CTNNA2: variants seen among roughly 807,000 people sequenced by gnomAD.
The protein encoded by CTNNA2 is catenin alpha-2.
CTNNA2 carries 42 observed loss-of-function variants against 101.0 expected under a neutral mutation model. The ratio of observed to expected loss-of-function variants is 0.42; its 90% CI spans 0.32 to 0.54. CTNNA2 has a LOEUF of 0.54. Ranked by LOEUF, CTNNA2 falls within the 20% of genes least tolerant of loss-of-function variation. CTNNA2 has a pLI of 0.14. For missense variants in CTNNA2, 871 were observed against 1,223.1 expected, an observed-to-expected ratio of 0.71 and a Z score of 4.29; for synonymous variants, 450 against 456.4, an observed-to-expected ratio of 0.99 and a Z score of 0.18.
At chr2:79,928,389 G>C (rs535964378) in intron 7 of CTNNA2, among the ~76,000 whole-genome samples, 1 of 152,172 alleles carries the variant, frequency 6.6e-6, no homozygotes, top group Non-Finnish European at 1.5e-5. Flanking sequence ...GGAAAAAATT[G>C]AATAAGTGAG....
At chr2:79,733,746 A>AGAG (rs1558881631) in intron 2 of CTNNA2, among the ~76,000 whole-genome samples, 2 of 152,130 alleles carry the variant, frequency 1.3e-5, no homozygotes, top group Admixed American at 6.6e-5. Context: ...AAATCAATAT[A>AGAG]GAGTCCTCAT....
At chr2:80,291,461 C>A (rs560872705) in intron 7 of CTNNA2, among the ~76,000 whole-genome samples, 1 of 152,284 alleles carries the variant, frequency 6.6e-6, no homozygotes, top group East Asian at 1.9e-4. Context: ...ACCTCCTCTG[C>A]CAGAAGAAAG....
At chr2:80,488,998 T>C (rs1285257523) in intron 9 of CTNNA2, among the ~76,000 whole-genome samples, 1 of 152,192 alleles carries the variant, frequency 6.6e-6, no homozygotes, top group East Asian at 1.9e-4. Context: ...TGGATTTCTT[T>C]GAAGGGCATT....
At position 79,282,849 on chromosome 2, in the gene CTNNA2, G is replaced by A. The variant is rs1253931443; in HGVS notation, c.-405-29860G>A. Among the ~76,000 whole-genome samples, 37 of 101,274 alleles carry A rather than the reference G, an allele frequency of 3.7e-4. 5 individuals carry two copies. The highest frequency in any genetic ancestry group is 1.0e-3 in the African/African-American group (35 of 35,130). The allele number at this position is 101,274 out of a possible 152,430, so 66.4% of individuals were successfully genotyped here. A position where few individuals can be genotyped will look rare whatever the true frequency, so the allele number is the denominator to read the frequency against. On this transcript the variant is annotated intron_variant, in intron 2 of 21. Coordinates refer to the CTNNA2 transcript ENST00000466387. ...AATCACCACACTGACTTCCACAATG[G>A]TTGAACTAGTTTACAGGCCCACCAA...
rs538148535 is a variant in CTNNA2, at chr2:79,774,953, G to A, written c.298+30371G>A. ...GCAGATTGCGTCAGTAACATTAGGG[G>A]TCATTTTTATCACCAATGAATATTT... On this transcript the variant is annotated intron_variant, in intron 3 of 18. Transcript: ENST00000402739. Among the ~76,000 whole-genome samples the A allele has an allele frequency of 7.2e-5, 11 of 152,216 alleles. No homozygotes were observed. In the East Asian group the frequency reaches 1.5e-3, roughly 21 times the overall value.
intron 3 of CTNNA2, among the ~76,000 whole-genome samples, chr2:79,754,649 A>G (rs1672278011): frequency 6.6e-6 from 1 of 152,096 alleles, no homozygotes; most frequent in Admixed American, 6.6e-5. Context: ...CCTTTTCTCA[A>G]GTATCCCTGG....
intron 8 of CTNNA2, among the ~76,000 whole-genome samples, chr2:80,406,148 G>A (rs540805218): frequency 1.1e-4 from 16 of 152,234 alleles, no homozygotes; most frequent in South Asian, 4.1e-4. Flanking sequence ...ACAAGGTCAG[G>A]AGATCGAGAA....
At chr2:80,620,179 T>C (rs979459452) in intron 18 of CTNNA2, among the ~76,000 whole-genome samples, 2 of 151,828 alleles carry the variant, frequency 1.3e-5, no homozygotes, top group Non-Finnish European at 1.5e-5. Flanking sequence ...ACCCTGTTTT[T>C]TTCTTAGGGT....
intron 7 of CTNNA2, among the ~76,000 whole-genome samples, chr2:80,195,591 CA>C (rs1251904140): frequency 6.6e-6 from 1 of 151,284 alleles, no homozygotes; most frequent in Non-Finnish European, 1.5e-5. Context: ...CATCCAAGCC[CA>C]TGGTGGAAAA....
chr2:79,968,545 G>A (rs1450382837), intron 7 of CTNNA2, among the ~76,000 whole-genome samples: 1 of 152,136 alleles, frequency 6.6e-6, no homozygotes, highest in Non-Finnish European at 1.5e-5. Flanking sequence ...TTAAGAGGCT[G>A]AGAGTTATTC....
intron 3 of CTNNA2, among the ~76,000 whole-genome samples, chr2:79,313,333 A>G (rs910810309): frequency 1.3e-5 from 2 of 152,258 alleles, no homozygotes; most frequent in Non-Finnish European, 2.9e-5. Context: ...TATGAGAATC[A>G]GAGCACTTGC....
chr2:79,311,259 A>C (rs961985473), intron 2 of CTNNA2, among the ~76,000 whole-genome samples: 3 of 151,934 alleles, frequency 2.0e-5, no homozygotes, highest in Admixed American at 2.0e-4. Flanking sequence ...AATACAAAAA[A>C]TTAGCCCGGC....
At chr2:79,962,128 G>C (rs1689682300) in intron 7 of CTNNA2, among the ~76,000 whole-genome samples, 1 of 152,200 alleles carries the variant, frequency 6.6e-6, no homozygotes. Context: ...ATCTTTCAAA[G>C]GTACTGTCTT....
At chr2:80,441,865 C>T (rs1682615244) in intron 9 of CTNNA2, among the ~76,000 whole-genome samples, 1 of 152,140 alleles carries the variant, frequency 6.6e-6, no homozygotes, top group Non-Finnish European at 1.5e-5. Context: ...GGAACTCAGT[C>T]AGTAGCACTG....
chr2:80,415,080 G>A (rs761861176), intron 8 of CTNNA2, among the ~76,000 whole-genome samples: 9 of 152,128 alleles, frequency 5.9e-5, no homozygotes, highest in South Asian at 4.1e-4. Context: ...GGCCAACTAC[G>A]TAGCTAATAA....
chr2:79,966,100 T>C (rs1328058519), intron 7 of CTNNA2, among the ~76,000 whole-genome samples: 3 of 152,132 alleles, frequency 2.0e-5, no homozygotes, highest in Non-Finnish European at 2.9e-5. Context: ...GTTTTTTTAA[T>C]ATCATTTATT....
chr2:79,753,765 C>G (rs532592958), intron 3 of CTNNA2, among the ~76,000 whole-genome samples: 1 of 152,228 alleles, frequency 6.6e-6, no homozygotes, highest in East Asian at 1.9e-4. Context: ...ATGGCCAAGC[C>G]ATTCACTGCT....
chr2:79,264,685 A>AAG (rs1674967495), intron 2 of CTNNA2, among the ~76,000 whole-genome samples: 1 of 152,032 alleles, frequency 6.6e-6, no homozygotes, highest in Admixed American at 6.6e-5. Context: ...AAAAGCCATT[A>AAG]AGACCAAAGG....
At chr2:79,236,013 C>T (rs1674552998) in intron 2 of CTNNA2, among the ~76,000 whole-genome samples, 1 of 151,928 alleles carries the variant, frequency 6.6e-6, no homozygotes. Flanking sequence ...CTCTGAGGAG[C>T]AGAGATAGGT....
Sources: gnomAD v4.1 joint callset for allele counts (sites outside exome capture counted in the v4.1 genomes callset) on GRCh38, gnomAD v4.1.1 for gene constraint, MANE v1.5 for transcripts, NCBI Gene and HGNC (gene_info 2026-07-23, HGNC 2026-07-21) for gene names.